AARS1: variants seen among roughly 807,000 people sequenced by gnomAD.
AARS1 encodes the protein alanine--tRNA ligase, cytoplasmic.
AARS1 carries 72 observed loss-of-function variants against 108.9 expected under a neutral mutation model. The ratio of observed to expected loss-of-function variants is 0.66; its 90% CI spans 0.55 to 0.80. AARS1 has a LOEUF of 0.80. AARS1 is among the 30% of genes least tolerant of loss of function. AARS1 has a pLI of 0.00. For synonymous variants in AARS1, 489 were observed against 465.7 expected (o/e 1.05, Z -0.64); for missense variants, 1,193 against 1,233.2 (o/e 0.97, Z 0.49).
chr16:70,288,706 A>T (rs928545489), intron 1 of AARS1, among the ~76,000 whole-genome samples: 2 of 151,766 alleles, frequency 1.3e-5, no homozygotes, highest in African/African-American at 4.8e-5. Flanking sequence ...GGCTGAGAGT[A>T]CAGGCGCGCG....
Position 70,270,300 on chromosome 16 carries a change from T to C in AARS1, c.712A>G (p.Ile238Val). The change falls in exon 6 of 21, where the codon ATT (isoleucine) becomes GTT (valine). Residue 238 changes from isoleucine to valine, a missense_variant. By Grantham distance (29) the Ile-to-Val change is conservative. Transcript: ENST00000261772. ...GILKPLPKKSIDTGMGLERLV... is the reference protein window; with the variant it reads ...GILKPLPKKSVDTGMGLERLV... ...CGTTCCAGGCCCATCCCTGTGTCAA[T>C]GCTTTTCTTGGGAAGAGGTTTCAGA... 1 of 1,614,190 alleles carries C rather than the reference T, an allele frequency of 6.2e-7. No individual in the cohort carries two copies. The highest frequency in any genetic ancestry group is 8.5e-7 in the Non-Finnish European group (1 of 1,180,030).
chr16:70,264,833 C>T, intron 11 of AARS1, 125 bp downstream of exon 11: 1 of 1,206,170 alleles, frequency 8.3e-7, no homozygotes, highest in South Asian at 1.3e-5. Flanking sequence ...CATAGCGTGA[C>T]TGTACGGCAC....
intron 1 of AARS1, among the ~76,000 whole-genome samples, chr16:70,285,565 C>T (rs1449691488): frequency 6.6e-6 from 1 of 152,206 alleles, no homozygotes; most frequent in Non-Finnish European, 1.5e-5. Context: ...TCTCCTGCCT[C>T]AGCCTCCTGG....
chr16:70,283,864 G>GA (rs1960772199), intron 1 of AARS1, among the ~76,000 whole-genome samples: 1 of 152,192 alleles, frequency 6.6e-6, no homozygotes, highest in African/African-American at 2.4e-5. Flanking sequence ...ACAGCTTACT[G>GA]AAAGTGAAAG....
chr16:70,267,695 T>A lies in AARS1; in HGVS notation c.1186A>T (p.Lys396Ter), dbSNP rs774269650. ...TTGCTGTCTCCCAGGCTCTGAATTT[T>A]CCTGTCCAGGATGCGACGCCCTCTG... ...LSRGRRILDR[K>*]IQSLGDSKTI... The change falls in exon 9 of 21, where the codon AAA becomes TAA. Residue 396 changes from lysine to a stop codon, truncating the protein, a stop_gained. Coordinates refer to ENST00000261772, the MANE Select transcript of AARS1 (RefSeq NM_001605.3). LOFTEE classifies it high-confidence loss of function. 6.2e-7 allele frequency: 1 copy of A among 1,614,182 alleles called. No individual in the cohort carries two copies. Among genetic ancestry groups the A allele is most frequent in the East Asian group, 2.2e-5 (1 of 44,880 alleles).
intron 1 of AARS1, among the ~76,000 whole-genome samples, chr16:70,288,693 A>T (rs938565914): frequency 1.3e-5 from 2 of 150,658 alleles, no homozygotes; most frequent in Non-Finnish European, 2.9e-5. Context: ...CAGCCTCCGG[A>T]GTGGCTGAGA....
intron 1 of AARS1, among the ~76,000 whole-genome samples, chr16:70,284,050 A>T (rs1370724594): frequency 1.3e-5 from 2 of 152,090 alleles, no homozygotes. Context: ...TGTCAGTACA[A>T]ATAGTAAAAA....
intron 6 of AARS1, 122 bp from the exon 7 acceptor site, chr16:70,269,885 T>C: frequency 2.3e-6 from 3 of 1,331,886 alleles, no homozygotes; most frequent in Non-Finnish European, 3.2e-6. Flanking sequence ...TGCCAGATCC[T>C]ATAACCCCAA....
chr16:70,283,240 T>C (rs1403640364), intron 1 of AARS1, among the ~76,000 whole-genome samples: 1 of 151,720 alleles, frequency 6.6e-6, no homozygotes, highest in Admixed American at 6.6e-5. Flanking sequence ...CTACTAAAAA[T>C]ACAAAAAGTA....
At chr16:70,267,500 C>T (rs918131759) in intron 9 of AARS1, among the ~76,000 whole-genome samples, 159 bp downstream of exon 9, 8 of 152,138 alleles carry the variant, frequency 5.3e-5, no homozygotes, top group South Asian at 2.1e-4. Context: ...ATTACTTTTA[C>T]CATTTTACTA....
Position 70,262,346 on chromosome 16 carries a change from A to G in AARS1, c.1671T>C (p.Asp557=). 3 of 1,614,184 alleles carry G rather than the reference A, an allele frequency of 1.9e-6. No homozygotes were observed. Among genetic ancestry groups the G allele is most frequent in the Non-Finnish European group, 2.5e-6 (3 of 1,180,020 alleles). ...TAACAAGGAAGAACTGTTGGCTCAC[A>G]TCTTCACTGCTGTCATCCACCTTCA... The part of the protein sequence containing the change: ...YLVKVDDSSE[D]KTEFTVKNAQ... Residue 557 remains aspartate (D), a splice_region_variant and synonymous_variant, in exon 12 of 21, where the codon GAT becomes GAC. Coordinates refer to ENST00000261772, the MANE Select transcript of AARS1 (RefSeq NM_001605.3).
intron 12 of AARS1, among the ~76,000 whole-genome samples, chr16:70,261,809 A>G (rs532263120): frequency 1.3e-5 from 2 of 151,476 alleles, no homozygotes; most frequent in South Asian, 4.2e-4. Context: ...AGGTGGGATT[A>G]CAGGCATCCA....
chr16:70,263,000 AAC>A, intron 11 of AARS1, among the ~76,000 whole-genome samples: 1 of 132,918 alleles, frequency 7.5e-6, no homozygotes, highest in Non-Finnish European at 1.7e-5. Context: ...AAAAAAAAAC[AAC>A]AACAACAAAG....
At chr16:70,272,404 G>A (rs778039528) in intron 4 of AARS1, among the ~76,000 whole-genome samples, 1 of 149,626 alleles carries the variant, frequency 6.7e-6, no homozygotes, top group Non-Finnish European at 1.5e-5. Flanking sequence ...TACTCGGGAG[G>A]CTGAGGCAGG....
At chr16:70,261,943 A>G (rs1024809800) in intron 12 of AARS1, among the ~76,000 whole-genome samples, 2 of 152,066 alleles carry the variant, frequency 1.3e-5, no homozygotes, top group Non-Finnish European at 2.9e-5. Flanking sequence ...TGCTAGGATT[A>G]TAGTCATGAG....
At chr16:70,275,214 C>T (rs546044441) in intron 4 of AARS1, among the ~76,000 whole-genome samples, 170 of 152,114 alleles carry the variant, frequency 1.1e-3, no homozygotes, top group Non-Finnish European at 1.9e-3. Context: ...GAGCCAAGAT[C>T]GCACCAGTGC....
chr16:70,287,442 G>A (rs1555543478), intron 1 of AARS1, among the ~76,000 whole-genome samples: 5 of 148,256 alleles, frequency 3.4e-5, no homozygotes, highest in Non-Finnish European at 7.5e-5. Flanking sequence ...TTTTTTTGAG[G>A]CAGGTCTCGC....
intron 12 of AARS1, 63 bp downstream of exon 12, chr16:70,262,283 A>G: frequency 6.2e-7 from 1 of 1,604,386 alleles, no homozygotes. Flanking sequence ...CTGTGGGGCA[A>G]AAGCAGCTCC....
Position 70,282,638 on chromosome 16 carries a change from G to C in AARS1, c.126C>G (p.Ala42=), listed in dbSNP as rs1218815290. The C allele has an allele frequency of 6.2e-7, 1 of 1,614,042 alleles. No individual in the cohort carries two copies. Among genetic ancestry groups the C allele is most frequent in the Admixed American group, 1.7e-5 (1 of 59,992 alleles). ...IPLDDPTLLF[A]NAGMNQFKPI... ...CCCTTACCTGGTTCATGCCTGCATT[G>C]GCAAAGAGCAAAGTGGGGTCATCCA... The change falls in exon 2 of 21, where the codon GCC becomes GCG. Residue 42 remains alanine, a synonymous_variant. Transcript: ENST00000261772.
Sources: allele counts gnomAD v4.1 joint callset (sites outside exome capture counted in the v4.1 genomes callset), GRCh38; gene constraint gnomAD v4.1.1; transcripts MANE v1.5; gene names NCBI Gene and HGNC (gene_info 2026-07-23, HGNC 2026-07-21).